SPON1: variants seen among roughly 807,000 people sequenced by gnomAD.
SPON1 encodes the protein spondin 1.
SPON1 carries 52 observed loss-of-function variants against 111.7 expected under a neutral mutation model. The ratio of observed to expected loss-of-function variants is 0.47; its 90% CI spans 0.37 to 0.59. The LOEUF (loss-of-function observed/expected upper bound fraction) is 0.59, where lower values mean the gene tolerates loss of function less well. SPON1 is among the 20% of genes least tolerant of loss of function. The pLI is 0.00. For synonymous variants in SPON1, 410 were observed against 395.8 expected (o/e 1.04, Z -0.43); for missense variants, 957 against 1,068.5 (o/e 0.90, Z 1.46).
intron 6 of SPON1, among the ~76,000 whole-genome samples, chr11:14,160,681 A>ATATATATATTTATATATTTATATATATT (rs1564919252): frequency 0.12 from 987 of 8,188 alleles, 158 homozygotes; most frequent in Middle Eastern, 0.17. Context: ...ACATATATTT[A>ATATATATATTTATATATTTATATATATT]TATATATATT....
intron 5 of SPON1, among the ~76,000 whole-genome samples, chr11:14,116,740 G>A (rs1021961917): frequency 1.3e-5 from 2 of 151,728 alleles, no homozygotes; most frequent in South Asian, 2.1e-4. Context: ...AATCATGATC[G>A]ATTTATATTT....
chr11:14,131,217 C>T (rs1026453558), intron 5 of SPON1, among the ~76,000 whole-genome samples: 8 of 152,116 alleles, frequency 5.3e-5, no homozygotes, highest in South Asian at 2.1e-4. Context: ...GGGAGATGAA[C>T]GTGTGTTCTG....
At chr11:14,223,761 T>G (rs1035747955) in intron 6 of SPON1, among the ~76,000 whole-genome samples, 1 of 152,218 alleles carries the variant, frequency 6.6e-6, no homozygotes, top group Admixed American at 6.5e-5. Flanking sequence ...TACCTTCTGT[T>G]CTTTGCCTCT....
chr11:14,203,743 T>G (rs566688428), intron 6 of SPON1, among the ~76,000 whole-genome samples: 4 of 152,312 alleles, frequency 2.6e-5, no homozygotes, highest in Admixed American at 1.3e-4. Context: ...GGTTTCTTGT[T>G]GCCCAGAGTC....
In SPON1 at chr11:14,263,862, C is replaced by G. The variant is rs1264589850; in HGVS notation, c.2260+887C>G. ...TGGCCAATATGGTGAAACCCCATCT[C>G]TACTAAAAGTACAAAAATTAGCCGG... On this transcript the variant is annotated intron_variant, in intron 15 of 15. Coordinates refer to ENST00000576479, the MANE Select transcript of SPON1 (RefSeq NM_006108.4). Among the ~76,000 whole-genome samples the G allele has an allele frequency of 2.6e-5, 4 of 152,082 alleles. No individual in the cohort carries two copies. The East Asian group carries it at 7.7e-4, about 29-fold the overall frequency.
intron 5 of SPON1, among the ~76,000 whole-genome samples, chr11:14,084,675 C>T (rs782076476): frequency 1.7e-4 from 26 of 152,100 alleles, no homozygotes; most frequent in Non-Finnish European, 3.1e-4. Context: ...GTAATAGGAT[C>T]ACTAGGTCGA....
At chr11:14,163,046 T>A (rs948261547) in intron 6 of SPON1, among the ~76,000 whole-genome samples, 1 of 152,244 alleles carries the variant, frequency 6.6e-6, no homozygotes, top group Non-Finnish European at 1.5e-5. Context: ...TCACCACTCA[T>A]CTTATCCTCA....
chr11:14,225,944 G>A (rs1401314011), intron 6 of SPON1, among the ~76,000 whole-genome samples: 1 of 152,216 alleles, frequency 6.6e-6, no homozygotes, highest in Non-Finnish European at 1.5e-5. Context: ...CTTAGACATT[G>A]TATGCATCAT....
intron 5 of SPON1, among the ~76,000 whole-genome samples, chr11:14,091,243 C>A (rs181440872): frequency 6.7e-4 from 102 of 152,356 alleles, no homozygotes; most frequent in South Asian, 4.3e-3. Flanking sequence ...CCCCACCAGA[C>A]TCAGGAGCCC....
chr11:14,262,564 T>C, intron 14 of SPON1, 148 bp from the exon 15 acceptor site: 6 of 1,084,582 alleles, frequency 5.5e-6, no homozygotes, highest in East Asian at 5.2e-5. Flanking sequence ...GCCTGCCTCT[T>C]TGGAGCCTCA....
chr11:14,219,875 A>G (rs1049142075), intron 6 of SPON1, among the ~76,000 whole-genome samples: 4 of 152,080 alleles, frequency 2.6e-5, no homozygotes, highest in African/African-American at 9.7e-5. Flanking sequence ...ATGGCTTATC[A>G]TGAAGACTTT....
chr11:14,024,641 G>A (rs2133805414), intron 2 of SPON1, among the ~76,000 whole-genome samples: 1 of 152,310 alleles, frequency 6.6e-6, no homozygotes, highest in Non-Finnish European at 1.5e-5. Flanking sequence ...GGGTTTATAT[G>A]GGCACAGGAT....
rs1466583255 is a variant in SPON1, at chr11:14,054,399, G to A, written c.479+12745G>A. Among the ~76,000 whole-genome samples, 3 of 152,120 alleles carry A rather than the reference G, an allele frequency of 2.0e-5. No individual in the cohort carries two copies. The South Asian group carries it at 6.2e-4, about 32-fold the overall frequency. The stretch of plus-strand genomic sequence containing the variant: ...GCTATTGCCAGTTCTTAAGGAGAAA[G>A]AGGGGGAAGCAGAAACAGAAATAAT... On this transcript the variant is annotated intron_variant, in intron 3 of 15. Coordinates refer to ENST00000576479, the MANE Select transcript of SPON1 (RefSeq NM_006108.4).
At chr11:14,048,755 G>A (rs1233124010) in intron 3 of SPON1, among the ~76,000 whole-genome samples, 1 of 152,190 alleles carries the variant, frequency 6.6e-6, no homozygotes, top group East Asian at 1.9e-4. Flanking sequence ...AATGTTTACA[G>A]ACCCCACCAG....
intron 6 of SPON1, among the ~76,000 whole-genome samples, chr11:14,144,024 C>T (rs998944789): frequency 6.6e-6 from 1 of 152,060 alleles, no homozygotes; most frequent in Non-Finnish European, 1.5e-5. Context: ...TCTCTGACCT[C>T]GAGTAGGTCA....
intron 2 of SPON1, among the ~76,000 whole-genome samples, chr11:14,018,277 G>C (rs1173729305): frequency 6.6e-6 from 1 of 152,172 alleles, no homozygotes. Flanking sequence ...GCCCTTAGTA[G>C]GTCCCAAATG....
At chr11:13,964,177 C>T (rs1480177266) in intron 1 of SPON1, among the ~76,000 whole-genome samples, 1 of 152,234 alleles carries the variant, frequency 6.6e-6, no homozygotes, top group African/African-American at 2.4e-5. Flanking sequence ...AGCAGCCGCT[C>T]TCCGGGTGGG....
intron 7 of SPON1, among the ~76,000 whole-genome samples, chr11:14,246,316 C>G (rs1271112914): frequency 1.3e-5 from 2 of 152,112 alleles, no homozygotes; most frequent in Non-Finnish European, 1.5e-5. Flanking sequence ...ATTTATTATC[C>G]CTTTTAATCC....
chr11:14,178,533 A>C (rs1216487569), intron 6 of SPON1, among the ~76,000 whole-genome samples: 1 of 152,184 alleles, frequency 6.6e-6, no homozygotes, highest in African/African-American at 2.4e-5. Flanking sequence ...AAAAGAAATC[A>C]GCCTGCCTTT....
Sources: gnomAD v4.1 joint callset for allele counts (sites outside exome capture counted in the v4.1 genomes callset) on GRCh38, gnomAD v4.1.1 for gene constraint, MANE v1.5 for transcripts, NCBI Gene and HGNC (gene_info 2026-07-23, HGNC 2026-07-21) for gene names.